The following DLGAP2 variants were observed in gnomAD, a reference collection of about 807,000 sequenced individuals.
The protein encoded by DLGAP2 is DLG associated protein 2.
A neutral mutation model predicts 100.3 loss-of-function variants in DLGAP2; 26 were observed. That is an observed-to-expected ratio of 0.26 (90% CI 0.19 to 0.36). The LOEUF (loss-of-function observed/expected upper bound fraction) is 0.36, where lower values mean the gene tolerates loss of function less well. DLGAP2 is among the 10% of genes least tolerant of loss of function. The probability of loss-of-function intolerance (pLI) is 1.00; values close to 1 mark genes in which losing one functional copy is unlikely to be tolerated. For missense variants in DLGAP2, 1,858 were observed against 1,453.2 expected (o/e 1.28, Z -4.53); for synonymous variants, 886 against 630.1 (o/e 1.41, Z -6.08).
At chr8:1,120,653 A>G (rs375349993) in intron 2 of DLGAP2, among the ~76,000 whole-genome samples, 1 of 149,738 alleles carries the variant, frequency 6.7e-6, no homozygotes, top group Non-Finnish European at 1.5e-5. Flanking sequence ...ACTCATGACT[A>G]TAAACCCTAG....
intron 2 of DLGAP2, among the ~76,000 whole-genome samples, chr8:1,057,195 T>C (rs754009388): frequency 1.1e-4 from 16 of 152,348 alleles, no homozygotes; most frequent in South Asian, 2.1e-4. Flanking sequence ...CCTTGAGATA[T>C]GCATCGGTTA....
At chr8:932,036 A>G (rs953069137) in intron 2 of DLGAP2, among the ~76,000 whole-genome samples, 3 of 152,194 alleles carry the variant, frequency 2.0e-5, no homozygotes, top group African/African-American at 7.2e-5. Context: ...CAGTGGAAAT[A>G]TTCCCTTCTA....
At chr8:1,249,053 C>G (rs1429841474) in intron 2 of DLGAP2, among the ~76,000 whole-genome samples, 1 of 152,138 alleles carries the variant, frequency 6.6e-6, no homozygotes, top group Non-Finnish European at 1.5e-5. Context: ...ATTGAAGAGA[C>G]TAAGCTGGGA....
At chr8:962,415 C>A (rs76833278) in intron 2 of DLGAP2, among the ~76,000 whole-genome samples, 5,090 of 152,268 alleles carry the variant, frequency 0.033, 304 homozygotes, top group African/African-American at 0.12. Context: ...CAGTGCAAGT[C>A]GCTTGCCTTT....
rs10646663 is a variant in DLGAP2, at chr8:1,577,567, CAAA to C, written c.1442+11694_1442+11696del. Among the ~76,000 whole-genome samples the C allele has an allele frequency of 7.8e-3, 828 of 105,762 alleles. 4 individuals carry two copies. The highest frequency in any genetic ancestry group is 0.035 in the East Asian group (135 of 3,896). The allele number at this position is 105,762 out of a possible 152,430, so 69.4% of individuals were successfully genotyped here. On this transcript the variant is annotated intron_variant, in intron 6 of 14. Coordinates refer to ENST00000637795, the MANE Select transcript of DLGAP2 (RefSeq NM_001346810.2). ...TGGGCCACAGAATTACACTCTCTCT[CAAA>C]AAAAAAAAAAAAAAAAAAAATTTAA... is the stretch of plus-strand genomic sequence containing the variant.
At chr8:1,617,414 C>A (rs151030496) in intron 6 of DLGAP2, among the ~76,000 whole-genome samples, 18 of 152,264 alleles carry the variant, frequency 1.2e-4, no homozygotes, top group African/African-American at 4.3e-4. Context: ...TTAGTAATAG[C>A]CATTCTGATG....
At chr8:1,056,156 G>A (rs568264744) in intron 2 of DLGAP2, among the ~76,000 whole-genome samples, 1 of 152,274 alleles carries the variant, frequency 6.6e-6, no homozygotes, top group African/African-American at 2.4e-5. Flanking sequence ...TGTAATTCTC[G>A]TTTTAGGAAA....
intron 2 of DLGAP2, among the ~76,000 whole-genome samples, chr8:1,180,164 G>A (rs7821457): frequency 6.6e-6 from 1 of 151,972 alleles, no homozygotes; most frequent in Non-Finnish European, 1.5e-5. Flanking sequence ...AACTGAGGAC[G>A]TAAATTACAC....
chr8:1,206,885 TC>T (rs1248173269), intron 2 of DLGAP2, among the ~76,000 whole-genome samples: 5 of 152,092 alleles, frequency 3.3e-5, no homozygotes, highest in Non-Finnish European at 7.4e-5. Flanking sequence ...TCCATCCCTG[TC>T]CCCGGTCTGC....
chr8:1,054,374 G>C (rs185727893), intron 2 of DLGAP2, among the ~76,000 whole-genome samples: 1 of 152,074 alleles, frequency 6.6e-6, no homozygotes, highest in Non-Finnish European at 1.5e-5. Context: ...TTCAGTGTCC[G>C]TATTAAATGG....
chr8:1,170,990 G>A (rs1298451933), intron 2 of DLGAP2, among the ~76,000 whole-genome samples: 1 of 150,880 alleles, frequency 6.6e-6, no homozygotes, highest in Non-Finnish European at 1.5e-5. Flanking sequence ...TGTCAATTTT[G>A]GATCTTTCCT....
intron 2 of DLGAP2, among the ~76,000 whole-genome samples, chr8:985,772 G>C (rs1219002523): frequency 1.3e-5 from 2 of 152,142 alleles, no homozygotes; most frequent in Non-Finnish European, 2.9e-5. Flanking sequence ...TTGGCCTTTT[G>C]ATCCCAGTGT....
At chr8:858,753 G>A (rs752596066) in intron 1 of DLGAP2, among the ~76,000 whole-genome samples, 4 of 152,096 alleles carry the variant, frequency 2.6e-5, no homozygotes, top group African/African-American at 7.2e-5. Flanking sequence ...TGCTGTCACC[G>A]TGGGCACATG....
chr8:979,628 G>A (rs1800272015), intron 2 of DLGAP2, among the ~76,000 whole-genome samples: 1 of 152,234 alleles, frequency 6.6e-6, no homozygotes, highest in Non-Finnish European at 1.5e-5. Flanking sequence ...ATCCTACTTT[G>A]AAATGAGAAC....
At chr8:927,005 CG>C (rs1798830812) in intron 2 of DLGAP2, 24 of 985,112 alleles carry the variant, frequency 2.4e-5, no homozygotes, top group Non-Finnish European at 2.9e-5. Context: ...GAGGACCCCC[CG>C]CCGAGAAAGA....
intron 4 of DLGAP2, among the ~76,000 whole-genome samples, chr8:1,523,911 C>A (rs76263292): frequency 0.015 from 2,282 of 152,262 alleles, 51 homozygotes; most frequent in African/African-American, 0.052. Flanking sequence ...AAGTTCAGGG[C>A]CTGAGATAAT....
At chr8:1,576,523 C>T (rs1321482876) in intron 6 of DLGAP2, among the ~76,000 whole-genome samples, 4 of 152,106 alleles carry the variant, frequency 2.6e-5, no homozygotes, top group Non-Finnish European at 2.9e-5. Flanking sequence ...TTTTGGTGTT[C>T]TACACATGAA....
intron 3 of DLGAP2, among the ~76,000 whole-genome samples, chr8:1,284,295 A>T (rs1003113419): frequency 6.6e-6 from 1 of 152,224 alleles, no homozygotes; most frequent in Admixed American, 6.5e-5. Flanking sequence ...GCTGAAGATG[A>T]TGGAAGGCCT....
At chr8:1,465,655 G>A (rs2130176258) in intron 3 of DLGAP2, among the ~76,000 whole-genome samples, 1 of 152,356 alleles carries the variant, frequency 6.6e-6, no homozygotes, top group South Asian at 2.1e-4. Flanking sequence ...AGGGCGTTTT[G>A]TGGAGACTCC....
Sources: allele counts gnomAD v4.1 joint callset (sites outside exome capture counted in the v4.1 genomes callset), GRCh38; gene constraint gnomAD v4.1.1; transcripts MANE v1.5; gene names NCBI Gene and HGNC (gene_info 2026-07-23, HGNC 2026-07-21).